SH3GL2: variants seen among roughly 807,000 people sequenced by gnomAD.
SH3GL2 encodes SH3 domain containing GRB2 like 2, endophilin A1, also known as endophilin-A1.
SH3GL2 carries 24 observed loss-of-function variants against 46.0 expected under a neutral mutation model. The observed-to-expected ratio is 0.52, with a 90% CI of 0.38 to 0.73. SH3GL2 has a LOEUF of 0.73. Ranked by LOEUF, SH3GL2 falls within the 30% of genes least tolerant of loss-of-function variation. SH3GL2 has a pLI of 0.00. For synonymous variants in SH3GL2, 196 were observed against 147.1 expected (o/e 1.33, Z -2.40); for missense variants, 413 against 424.2 (o/e 0.97, Z 0.23).
intron 3 of SH3GL2, among the ~76,000 whole-genome samples, chr9:17,779,978 T>G (rs1049105079): frequency 1.3e-5 from 2 of 152,210 alleles, no homozygotes; most frequent in Admixed American, 1.3e-4. Context: ...ACAGTGGTTC[T>G]CAACCTTGGC....
intron 1 of SH3GL2, among the ~76,000 whole-genome samples, chr9:17,716,900 C>G (rs1821774956): frequency 6.6e-6 from 1 of 152,090 alleles, no homozygotes; most frequent in African/African-American, 2.4e-5. Flanking sequence ...TCTTGACACT[C>G]ATTCTTAAAA....
At chr9:17,761,336 G>T (rs1823165336) in intron 2 of SH3GL2, 101 bp from the exon 3 acceptor site, 4 of 759,184 alleles carry the variant, frequency 5.3e-6, no homozygotes, top group South Asian at 1.5e-5. Flanking sequence ...CTTGTCCGGG[G>T]CTCTGTTGCA....
chr9:17,595,889 T>G (rs1414187069), intron 1 of SH3GL2, among the ~76,000 whole-genome samples: 1 of 152,182 alleles, frequency 6.6e-6, no homozygotes, highest in African/African-American at 2.4e-5. Context: ...ACAGTAAGAT[T>G]ATTTTTTTAA....
chr9:17,647,195 A>G (rs572106720), intron 1 of SH3GL2, among the ~76,000 whole-genome samples: 7 of 152,208 alleles, frequency 4.6e-5, no homozygotes, highest in Non-Finnish European at 8.8e-5. Context: ...ACTTGTAAAC[A>G]TTTATTTTAG....
In SH3GL2 at chr9:17,606,228, G is replaced by A. The variant is rs145866011; in HGVS notation, c.45+26941G>A. 4.5e-3 allele frequency among the ~76,000 whole-genome samples: 688 copies of A among 152,156 alleles called. 7 individuals carry two copies. The highest frequency in any genetic ancestry group is 0.016 in the African/African-American group (656 of 41,498). ...CTGCCTTAGCCTCCCGAGTAGCTGG[G>A]ATTACAGGCACCCACCACCACACCC... is the stretch of plus-strand genomic sequence containing the variant. On this transcript the variant is annotated intron_variant, in intron 1 of 8. Coordinates refer to ENST00000380607, the MANE Select transcript of SH3GL2 (RefSeq NM_003026.5).
intron 1 of SH3GL2, among the ~76,000 whole-genome samples, chr9:17,661,305 G>C (rs1006409962): frequency 6.6e-6 from 1 of 152,200 alleles, no homozygotes; most frequent in African/African-American, 2.4e-5. Context: ...CAATATAGGA[G>C]CTATTGTGAA....
chr9:17,643,110 T>G (rs1819725805), intron 1 of SH3GL2, among the ~76,000 whole-genome samples: 1 of 152,176 alleles, frequency 6.6e-6, no homozygotes, highest in South Asian at 2.1e-4. Context: ...TCACATCCCT[T>G]GTAAGTTGGG....
At chr9:17,767,816 A>G (rs1473721167) in intron 3 of SH3GL2, among the ~76,000 whole-genome samples, 1 of 152,204 alleles carries the variant, frequency 6.6e-6, no homozygotes, top group Non-Finnish European at 1.5e-5. Context: ...GCTTCAAAGG[A>G]ATAGGGTATT....
At chr9:17,638,652 A>G (rs1043425818) in intron 1 of SH3GL2, among the ~76,000 whole-genome samples, 5 of 152,220 alleles carry the variant, frequency 3.3e-5, no homozygotes, top group African/African-American at 1.2e-4. Context: ...TGTGCAGAAC[A>G]AGGACTTCTT....
chr9:17,620,033 A>T (rs1272292242), intron 1 of SH3GL2, among the ~76,000 whole-genome samples: 1 of 151,896 alleles, frequency 6.6e-6, no homozygotes, highest in Non-Finnish European at 1.5e-5. Flanking sequence ...GATTTTTTTT[A>T]AATTGGTCAG....
rs138842411 is a variant in SH3GL2 at position 17,753,030 on chromosome 9, G to T, written c.114+5896G>T. Among the ~76,000 whole-genome samples the T allele has an allele frequency of 7.8e-3, 1,181 of 152,234 alleles. 18 individuals are homozygous for T. Among genetic ancestry groups the T allele is most frequent in the African/African-American group, 0.027 (1,127 of 41,534 alleles). On this transcript the variant is annotated intron_variant, in intron 2 of 8. Coordinates refer to ENST00000380607, the MANE Select transcript of SH3GL2 (RefSeq NM_003026.5). ...CCAGGTTCATCCATGTCCCTGCAAA[G>T]AACCTGCTCTCTCTCTTTTATGGCT...
At chr9:17,789,589 C>T (rs367993862) in intron 6 of SH3GL2, 39 bp downstream of exon 6, 29 of 1,608,474 alleles carry the variant, frequency 1.8e-5, no homozygotes, top group East Asian at 6.7e-5. Flanking sequence ...ATCTTATCAT[C>T]GAGGCACAAC....
intron 1 of SH3GL2, among the ~76,000 whole-genome samples, chr9:17,695,139 T>C (rs753725927): frequency 2.0e-5 from 3 of 152,200 alleles, no homozygotes; most frequent in African/African-American, 4.8e-5. Flanking sequence ...TCCCATTCTG[T>C]CCCCTGGCTG....
intron 1 of SH3GL2, among the ~76,000 whole-genome samples, chr9:17,663,147 T>A (rs1820264512): frequency 6.6e-6 from 1 of 152,200 alleles, no homozygotes; most frequent in South Asian, 2.1e-4. Flanking sequence ...TCTCTATTCC[T>A]CATTTTCTAG....
At chr9:17,627,581 A>C (rs1236303473) in intron 1 of SH3GL2, among the ~76,000 whole-genome samples, 1 of 152,246 alleles carries the variant, frequency 6.6e-6, no homozygotes, top group East Asian at 1.9e-4. Context: ...ATTGGCATGA[A>C]AAATTTTAAT....
At chr9:17,688,047 G>A (rs1820968734) in intron 1 of SH3GL2, among the ~76,000 whole-genome samples, 2 of 152,032 alleles carry the variant, frequency 1.3e-5, no homozygotes, top group Non-Finnish European at 2.9e-5. Flanking sequence ...ATACAAGTTA[G>A]CCTTCTGCTC....
chr9:17,693,654 A>C (rs1219402189), intron 1 of SH3GL2, among the ~76,000 whole-genome samples: 2 of 152,214 alleles, frequency 1.3e-5, no homozygotes, highest in Non-Finnish European at 2.9e-5. Flanking sequence ...CTGGACAGCA[A>C]AATTGCTACC....
chr9:17,686,041 C>T (rs536377510), intron 1 of SH3GL2, among the ~76,000 whole-genome samples: 3,689 of 140,508 alleles, frequency 0.026, 158 homozygotes, highest in African/African-American at 0.1. Flanking sequence ...GCAACCTACT[C>T]ATCTGACAAA....
At chr9:17,744,482 C>T (rs1303491820) in intron 1 of SH3GL2, among the ~76,000 whole-genome samples, 1 of 152,034 alleles carries the variant, frequency 6.6e-6, no homozygotes, top group Non-Finnish European at 1.5e-5. Flanking sequence ...TCTTTCACCT[C>T]AGCCTCCAGA....
Sources: gnomAD v4.1 joint callset for allele counts (sites outside exome capture counted in the v4.1 genomes callset) on GRCh38, gnomAD v4.1.1 for gene constraint, MANE v1.5 for transcripts, NCBI Gene and HGNC (gene_info 2026-07-23, HGNC 2026-07-21) for gene names.